IGF2BP3: variants seen among roughly 807,000 people sequenced by gnomAD.
IGF2BP3 encodes the protein insulin like growth factor 2 mRNA binding protein 3.
In IGF2BP3, 9 loss-of-function variants were observed where a neutral mutation model predicts 73.8. The ratio of observed to expected loss-of-function variants is 0.12; its 90% CI spans 0.07 to 0.21. The LOEUF is 0.21. Among genes scored for constraint, IGF2BP3 ranks in the 10% least tolerant of loss-of-function variants. The probability of loss-of-function intolerance (pLI) is 1.00; values close to 1 mark genes in which losing one functional copy is unlikely to be tolerated. For synonymous variants in IGF2BP3, 258 were observed against 256.7 expected (o/e 1.01, Z -0.05); for missense variants, 542 against 714.0 (o/e 0.76, Z 2.75).
At chr7:23,330,433 GCCTTCCCCTCTCCTCTCACAAGTC>G (rs1784415749) in intron 10 of IGF2BP3, among the ~76,000 whole-genome samples, 3 of 151,890 alleles carry the variant, frequency 2.0e-5, no homozygotes, top group Admixed American at 2.0e-4. Flanking sequence ...TCGAGGGGCT[GCCTTCCCCTCTCCTCTCACAAGTC>G]CCTTGATTGG....
intron 7 of IGF2BP3, 149 bp downstream of exon 7, chr7:23,347,451 A>G: frequency 1.4e-6 from 1 of 738,268 alleles, no homozygotes; most frequent in Non-Finnish European, 2.2e-6. Context: ...CATACACTTC[A>G]CAACCAGATC....
intron 3 of IGF2BP3, among the ~76,000 whole-genome samples, chr7:23,387,010 T>C (rs1340951655): frequency 2.0e-5 from 3 of 148,508 alleles, no homozygotes; most frequent in African/African-American, 7.5e-5. Context: ...GAGGTTGCAG[T>C]GAGCAGAGAT....
intron 3 of IGF2BP3, among the ~76,000 whole-genome samples, chr7:23,378,874 C>T (rs760519605): frequency 1.3e-5 from 2 of 151,910 alleles, no homozygotes; most frequent in Non-Finnish European, 2.9e-5. Flanking sequence ...GCCTGGCCTT[C>T]TCTTCTATTC....
chr7:23,385,674 A>G (rs1403672468), intron 3 of IGF2BP3, among the ~76,000 whole-genome samples: 1 of 152,104 alleles, frequency 6.6e-6, no homozygotes, highest in Non-Finnish European at 1.5e-5. Flanking sequence ...AAATCGACTA[A>G]CTGCAAAATA....
chr7:23,332,623 C>A (rs1784471626), intron 10 of IGF2BP3, among the ~76,000 whole-genome samples: 1 of 152,220 alleles, frequency 6.6e-6, no homozygotes, highest in Non-Finnish European at 1.5e-5. Flanking sequence ...AAAATTATTT[C>A]ATTCTTCACT....
chr7:23,377,376 G>A (rs1413992973), intron 3 of IGF2BP3, among the ~76,000 whole-genome samples: 1 of 152,148 alleles, frequency 6.6e-6, no homozygotes, highest in Non-Finnish European at 1.5e-5. Flanking sequence ...ATGAAACAAT[G>A]CTCGACATCA....
At chr7:23,449,622 T>A (rs1788150569) in intron 2 of IGF2BP3, among the ~76,000 whole-genome samples, 1 of 144,318 alleles carries the variant, frequency 6.9e-6, no homozygotes, top group Non-Finnish European at 1.5e-5. Flanking sequence ...AGTGGCGCAA[T>A]CTTGGGTCAC....
intron 2 of IGF2BP3, among the ~76,000 whole-genome samples, chr7:23,435,976 G>A (rs1241892869): frequency 6.6e-6 from 1 of 150,830 alleles, no homozygotes; most frequent in Non-Finnish European, 1.5e-5. Context: ...AGGCTGGTCT[G>A]GAATTCCTGA....
In IGF2BP3 at chr7:23,314,635, C is replaced by G. The variant is rs1783927691; in HGVS notation, c.1396-982G>C. On this transcript the variant is annotated intron_variant, in intron 12 of 14. Coordinates refer to ENST00000258729, the MANE Select transcript of IGF2BP3 (RefSeq NM_006547.3). ...TTTTTTTTGAGCAAAAGAGACAGAA[C>G]TGCAGAGTCAGCTATGCCAAGCTCA... Among the ~76,000 whole-genome samples the G allele has an allele frequency of 2.0e-5, 3 of 152,084 alleles. 1 individual carries two copies. In the South Asian group the frequency reaches 6.2e-4, roughly 32 times the overall value.
chr7:23,454,118 T>C (rs534100569), intron 2 of IGF2BP3, among the ~76,000 whole-genome samples: 1 of 152,290 alleles, frequency 6.6e-6, no homozygotes, highest in South Asian at 2.1e-4. Flanking sequence ...CCAGCCTAGA[T>C]TGGATATCTT....
chr7:23,320,005 G>C (rs1784091985), intron 10 of IGF2BP3, among the ~76,000 whole-genome samples: 1 of 151,884 alleles, frequency 6.6e-6, no homozygotes. Flanking sequence ...CCACCTCCCG[G>C]ATTCAAGCTA....
chr7:23,439,491 A>G (rs553787082), intron 2 of IGF2BP3, among the ~76,000 whole-genome samples: 2 of 139,100 alleles, frequency 1.4e-5, no homozygotes, highest in Non-Finnish European at 3.0e-5. Context: ...TAGGGGGCGG[A>G]GCTTGCAGTG....
chr7:23,399,023 T>G (rs1786571580), intron 3 of IGF2BP3, among the ~76,000 whole-genome samples: 1 of 152,212 alleles, frequency 6.6e-6, no homozygotes. Context: ...CGTTTTCTTC[T>G]AGGGTTTTTA....
At chr7:23,452,066 G>T (rs374830360) in intron 2 of IGF2BP3, among the ~76,000 whole-genome samples, 3 of 150,846 alleles carry the variant, frequency 2.0e-5, no homozygotes, top group Admixed American at 2.0e-4. Context: ...GCACAGTGGC[G>T]TGATATCAGC....
intron 3 of IGF2BP3, chr7:23,416,182 A>T (rs1055581386): frequency 1.3e-5 from 2 of 152,168 alleles, no homozygotes; most frequent in African/African-American, 4.8e-5. Context: ...TGGAGCTAGG[A>T]CATAATTCCA....
chr7:23,323,129 A>G (rs566734920), intron 10 of IGF2BP3, among the ~76,000 whole-genome samples: 8 of 152,292 alleles, frequency 5.3e-5, no homozygotes, highest in East Asian at 3.9e-4. Flanking sequence ...AGACTGGCAA[A>G]TTGGATAAAG....
chr7:23,378,401 G>GTTTTTTTTTTTTTTTTTT lies in IGF2BP3; in HGVS notation c.286-16661_286-16660insAAAAAAAAAAAAAAAAAA, dbSNP rs373876363. Among the ~76,000 whole-genome samples the GTTTTTTTTTTTTTTTTTT allele has an allele frequency of 7.0e-3, 889 of 127,884 alleles. 117 individuals carry two copies. Among genetic ancestry groups the GTTTTTTTTTTTTTTTTTT allele is most frequent in the African/African-American group, 0.029 (779 of 26,668 alleles). The allele number at this position is 127,884 out of a possible 152,430, so 83.9% of individuals were successfully genotyped here. On this transcript the variant is annotated intron_variant, in intron 3 of 14. Coordinates refer to ENST00000258729, the MANE Select transcript of IGF2BP3 (RefSeq NM_006547.3). ...AGGAAAATAGACATTTCTCTTCTTGGTTTTTTTTTGAGACAGAGTCTCGCT... is the reference window on the plus strand; with the variant it reads ...AGGAAAATAGACATTTCTCTTCTTGGTTTTTTTTTTTTTTTTTTTTTTTTTTTGAGACAGAGTCTCGCT...
intron 10 of IGF2BP3, among the ~76,000 whole-genome samples, chr7:23,334,627 A>G (rs1784525052): frequency 6.6e-6 from 1 of 152,228 alleles, no homozygotes; most frequent in South Asian, 2.1e-4. Context: ...GGATGTTCAC[A>G]GGACATAAGC....
intron 10 of IGF2BP3, among the ~76,000 whole-genome samples, chr7:23,333,304 C>T (rs527326532): frequency 6.6e-6 from 1 of 152,150 alleles, no homozygotes; most frequent in African/African-American, 2.4e-5. Flanking sequence ...AATGACTATT[C>T]CTGGTACTGG....
Sources: allele counts gnomAD v4.1 joint callset (sites outside exome capture counted in the v4.1 genomes callset), GRCh38; gene constraint gnomAD v4.1.1; transcripts MANE v1.5; gene names NCBI Gene and HGNC (gene_info 2026-07-23, HGNC 2026-07-21).